LHPP: variants seen among roughly 807,000 people sequenced by gnomAD.
LHPP encodes the protein phospholysine phosphohistidine inorganic pyrophosphate phosphatase.
A neutral mutation model predicts 30.3 loss-of-function variants in LHPP; 24 were observed. That is an observed-to-expected ratio of 0.79 (90% CI 0.57 to 1.11). The LOEUF (loss-of-function observed/expected upper bound fraction) is 1.11. Among genes scored for constraint, LHPP ranks in the 50% most tolerant of loss-of-function variants. The pLI is 0.00. For synonymous variants in LHPP, 150 were observed against 157.1 expected, an observed-to-expected ratio of 0.95 and a Z score of 0.34; for missense variants, 356 against 367.2, an observed-to-expected ratio of 0.97 and a Z score of 0.25.
rs1188317758 is a variant in LHPP, at chr10:124,470,372, ACCCAGGACCGCCCCGATCGATCGG to A, written c.125+8388_125+8411del. 6.1e-5 allele frequency among the ~76,000 whole-genome samples: 9 copies of A among 147,986 alleles called. No individual in the cohort carries two copies. In the East Asian group the frequency reaches 1.6e-3, roughly 27 times the overall value. On this transcript the variant is annotated intron_variant, in intron 1 of 6. Coordinates refer to ENST00000368842, the MANE Select transcript of LHPP (RefSeq NM_022126.4). Reference sequence around the variant, plus strand: ...AGGGCAGCCTCATAAAGCAATTCCCACCCAGGACCGCCCCGATCGATCGGCCTGGTGCTGTGGAGCCAGGCCCAC... The same window carrying A: ...AGGGCAGCCTCATAAAGCAATTCCCACCTGGTGCTGTGGAGCCAGGCCCAC...
chr10:124,484,260 C>A lies in LHPP; in HGVS notation c.247C>A (p.Pro83Thr). 6.2e-7 allele frequency: 1 copy of A among 1,614,034 alleles called. No individual in the cohort carries two copies. Among genetic ancestry groups the A allele is most frequent in the Non-Finnish European group, 8.5e-7 (1 of 1,180,020 alleles). ...FDISEQEVTA[P>T]APAACQILKE... is the part of the protein sequence containing the mutation. Reference sequence around the variant, plus strand: ...CATCTCTGAGCAGGAGGTGACCGCCCCGGCACCAGCTGCCTGCCAGATCCT... The same window carrying A: ...CATCTCTGAGCAGGAGGTGACCGCCACGGCACCAGCTGCCTGCCAGATCCT... Residue 83 changes from proline (P) to threonine (T), a missense_variant, in exon 2 of 7, where the codon CCG becomes ACG. Coordinates refer to ENST00000368842, the MANE Select transcript of LHPP (RefSeq NM_022126.4).
chr10:124,495,025 C>G (rs1953661241), intron 3 of LHPP, among the ~76,000 whole-genome samples: 1 of 152,170 alleles, frequency 6.6e-6, no homozygotes, highest in African/African-American at 2.4e-5. Flanking sequence ...CTAAGGAAAC[C>G]ATCAGACCAA....
intron 2 of LHPP, among the ~76,000 whole-genome samples, chr10:124,485,439 C>T (rs547284601): frequency 2.0e-5 from 3 of 151,912 alleles, no homozygotes; most frequent in Non-Finnish European, 4.4e-5. Context: ...AGGATGAATG[C>T]CCTTCCTCAG....
chr10:124,504,561 C>G (rs1280640655), intron 5 of LHPP, among the ~76,000 whole-genome samples: 2 of 149,104 alleles, frequency 1.3e-5, no homozygotes, highest in East Asian at 3.9e-4. Context: ...GATTGCACCA[C>G]TGCACTCCAG....
At chr10:124,579,191 G>A (rs994906994) in intron 6 of LHPP, among the ~76,000 whole-genome samples, 5 of 152,230 alleles carry the variant, frequency 3.3e-5, no homozygotes, top group Admixed American at 2.0e-4. Context: ...AACATCTCCC[G>A]GGCCGAGCGT....
chr10:124,462,162 G>A (rs1161695137), intron 1 of LHPP, among the ~76,000 whole-genome samples, 175 bp downstream of exon 1: 2 of 152,090 alleles, frequency 1.3e-5, no homozygotes, highest in Non-Finnish European at 2.9e-5. Context: ...CCCCACTGTT[G>A]CCCCCGGCGA....
At chr10:124,486,406 A>T (rs776127990) in intron 2 of LHPP, among the ~76,000 whole-genome samples, 13 of 152,354 alleles carry the variant, frequency 8.5e-5, no homozygotes, top group African/African-American at 3.1e-4. Flanking sequence ...CCCAGGCTGA[A>T]TGATTCATTA....
chr10:124,531,385 T>A (rs1359296951), intron 6 of LHPP, among the ~76,000 whole-genome samples: 1 of 152,238 alleles, frequency 6.6e-6, no homozygotes, highest in Admixed American at 6.5e-5. Context: ...CATTTTCAAA[T>A]AATTTTTCAG....
chr10:124,577,144 TGG>T (rs1274392499), intron 6 of LHPP, among the ~76,000 whole-genome samples: 1 of 152,176 alleles, frequency 6.6e-6, no homozygotes, highest in East Asian at 1.9e-4. Context: ...CCTGCTCAGG[TGG>T]GTCCGTGCTG....
chr10:124,549,205 G>A (rs1203153762), intron 6 of LHPP, among the ~76,000 whole-genome samples: 1 of 152,242 alleles, frequency 6.6e-6, no homozygotes, highest in Non-Finnish European at 1.5e-5. Context: ...GGGAGGCCAA[G>A]GCAGGAGGAT....
At position 124,520,702 on chromosome 10, in the gene LHPP, C is replaced by T. The variant is rs537129613; in HGVS notation, c.716+3431C>T. Among the ~76,000 whole-genome samples the T allele has an allele frequency of 7.9e-5, 12 of 152,316 alleles. 1 individual carries two copies. Among genetic ancestry groups the T allele is most frequent in the African/African-American group, 2.9e-4 (12 of 41,576 alleles). ...GGGCATCAAAGGAGGTGGGGCTCTG[C>T]GTGTGTAGGTGTGCCCCAGTTAAAG... On this transcript the variant is annotated intron_variant, in intron 6 of 6. Coordinates refer to ENST00000368842, the MANE Select transcript of LHPP (RefSeq NM_022126.4).
intron 6 of LHPP, among the ~76,000 whole-genome samples, chr10:124,570,649 C>T (rs1948570365): frequency 6.6e-6 from 1 of 152,224 alleles, no homozygotes; most frequent in African/African-American, 2.4e-5. Context: ...CAGCCCCTAG[C>T]AGCCTCCAGC....
chr10:124,467,177 G>C (rs1266984203), intron 1 of LHPP, among the ~76,000 whole-genome samples: 3 of 152,106 alleles, frequency 2.0e-5, no homozygotes, highest in Non-Finnish European at 4.4e-5. Context: ...TCTGGCTGCA[G>C]TGTGGAGAAC....
At chr10:124,612,038 C>G (rs966638382) in intron 6 of LHPP, among the ~76,000 whole-genome samples, 4 of 152,182 alleles carry the variant, frequency 2.6e-5, no homozygotes, top group African/African-American at 4.8e-5. Flanking sequence ...GGGGAGGGGC[C>G]TTCTGGCTCA....
chr10:124,473,231 A>G lies in LHPP; in HGVS notation c.126-10908A>G, dbSNP rs140831491. Among the ~76,000 whole-genome samples the G allele has an allele frequency of 3.7e-3, 564 of 152,290 alleles. 3 individuals carry two copies. Among genetic ancestry groups the G allele is most frequent in the African/African-American group, 0.013 (539 of 41,562 alleles). ...CTGCCCCTACCCCCAGTGCCCCACA[A>G]CGTGCAAGAAGCCATATTGGCAAAG... On this transcript the variant is annotated intron_variant, in intron 1 of 6. Transcript: ENST00000368842.
chr10:124,528,765 A>T (rs1358009509), intron 6 of LHPP, among the ~76,000 whole-genome samples: 1 of 146,344 alleles, frequency 6.8e-6, no homozygotes, highest in Non-Finnish European at 1.5e-5. Flanking sequence ...CCAAGCACCT[A>T]CTATGGCCAG....
intron 6 of LHPP, among the ~76,000 whole-genome samples, chr10:124,574,226 G>T (rs749021742): frequency 4.6e-5 from 7 of 152,238 alleles, no homozygotes; most frequent in Non-Finnish European, 1.0e-4. Flanking sequence ...TTGACATATG[G>T]ATCTCAGCGC....
Position 124,510,678 on chromosome 10 carries a change from C to T in LHPP, c.625-6502C>T, listed in dbSNP as rs903325007. Among the ~76,000 whole-genome samples, 7 of 152,244 alleles carry T rather than the reference C, an allele frequency of 4.6e-5. No homozygotes were observed. The highest frequency in any genetic ancestry group is 1.7e-4 in the African/African-American group (7 of 41,462). ...CACACAGTTTCATTTTCCCCGGAAG[C>T]ATGGAGGTGTAGGATGACATGTAAT... On this transcript the variant is annotated intron_variant, in intron 5 of 6. Transcript: ENST00000368842. This position sits in a 1 kb window ranked among gnomAD's most constrained non-coding sequence, Gnocchi z 4.0.
At chr10:124,553,345 G>A (rs1239087772) in intron 6 of LHPP, among the ~76,000 whole-genome samples, 1 of 151,722 alleles carries the variant, frequency 6.6e-6, no homozygotes, top group Non-Finnish European at 1.5e-5. Context: ...CTTTCCTCCT[G>A]CCCACCCCCT....
Sources: gnomAD v4.1 joint callset for allele counts (sites outside exome capture counted in the v4.1 genomes callset) on GRCh38, gnomAD v4.1.1 for gene constraint, Gnocchi (gnomAD v3.1) non-coding constraint, MANE v1.5 for transcripts, NCBI Gene and HGNC (gene_info 2026-07-23, HGNC 2026-07-21) for gene names.